The following ITSN1 variants were observed in gnomAD, a reference collection of about 807,000 sequenced individuals.
The protein encoded by ITSN1 is intersectin 1.
A neutral mutation model predicts 239.8 loss-of-function variants in ITSN1; 58 were observed. That is an observed-to-expected ratio of 0.24 (90% CI 0.20 to 0.30). The LOEUF (loss-of-function observed/expected upper bound fraction) is 0.30. ITSN1 is among the 10% of genes least tolerant of loss of function. ITSN1 has a pLI of 1.00. For missense variants in ITSN1, 1,558 were observed against 2,103.3 expected, an observed-to-expected ratio of 0.74 and a Z score of 5.07; for synonymous variants, 780 against 770.8, an observed-to-expected ratio of 1.01 and a Z score of -0.20.
chr21:33,840,752 C>T (rs1238539380), intron 29 of ITSN1, among the ~76,000 whole-genome samples: 1 of 152,254 alleles, frequency 6.6e-6, no homozygotes, highest in African/African-American at 2.4e-5. Flanking sequence ...CCCACCTCGG[C>T]CTCCCAAAGT....
chr21:33,684,608 CAG>C (rs1293668722), intron 1 of ITSN1, among the ~76,000 whole-genome samples: 1 of 151,958 alleles, frequency 6.6e-6, no homozygotes, highest in East Asian at 1.9e-4. Flanking sequence ...TTAATTATCT[CAG>C]AAAGAGGGTC....
chr21:33,825,016 G>A (rs2073903391), intron 25 of ITSN1, among the ~76,000 whole-genome samples: 1 of 152,188 alleles, frequency 6.6e-6, no homozygotes, highest in African/African-American at 2.4e-5. Context: ...ATATTTCAGG[G>A]GAATTGGGTA....
Position 33,889,866 on chromosome 21 carries a change from T to A in ITSN1, c.*1566T>A, listed in dbSNP as rs77878828. 1 of 152,198 alleles carries A rather than the reference T, an allele frequency of 6.6e-6. No homozygotes were observed. The highest frequency in any genetic ancestry group is 6.5e-5 in the Admixed American group (1 of 15,280). The allele number at this position is 152,198 out of a possible 1,614,324, so 9.4% of individuals were successfully genotyped here. A position where few individuals can be genotyped will look rare whatever the true frequency, so the allele number is the denominator to read the frequency against. On this transcript the variant is annotated 3_prime_UTR_variant, in exon 40 of 40. Transcript: ENST00000381318. The stretch of plus-strand genomic sequence containing the variant: ...GAGAGCCCGGTCATACTTCAAGCAA[T>A]TTTTTTAAAAGTGTGTGTTGGAAAG...
chr21:33,708,751 A>T (rs1379903202), intron 1 of ITSN1, among the ~76,000 whole-genome samples: 1 of 152,192 alleles, frequency 6.6e-6, no homozygotes, highest in African/African-American at 2.4e-5. Flanking sequence ...AAGTTCAGGA[A>T]GATATTCTCC....
intron 29 of ITSN1, among the ~76,000 whole-genome samples, chr21:33,843,852 T>G (rs575927652): frequency 3.7e-4 from 57 of 152,344 alleles, no homozygotes; most frequent in Middle Eastern, 3.4e-3. Context: ...TATGGAGAGA[T>G]AATGATGACA....
In ITSN1 at chr21:33,767,749, C is replaced by T. The variant is rs79522704; in HGVS notation, c.963C>T (p.Ser321=). 356 of 1,612,642 alleles carry T rather than the reference C, an allele frequency of 2.2e-4. 2 individuals are homozygous for T. In the East Asian group the frequency reaches 7.3e-3, roughly 33 times the overall value. The change falls in exon 11 of 40, where the codon AGC becomes AGT. Residue 321 remains serine, a synonymous_variant. Coordinates refer to ENST00000381318, the MANE Select transcript of ITSN1 (RefSeq NM_003024.3). The part of the protein sequence containing the change: ...VRSGSGISVI[S]STSVDQRLPE... ...CTGGCAGTGGTATATCTGTCATAAG[C>T]TCAACATCTGTAGATCAGAGGCTAC...
intron 14 of ITSN1, among the ~76,000 whole-genome samples, chr21:33,776,053 GTT>G (rs912757013): frequency 3.3e-5 from 5 of 152,066 alleles, no homozygotes; most frequent in African/African-American, 1.2e-4. Context: ...TGACTCTTTT[GTT>G]TCTTTTCATC....
chr21:33,650,189 TC>T (rs541317410), intron 1 of ITSN1, among the ~76,000 whole-genome samples: 138 of 152,296 alleles, frequency 9.1e-4, no homozygotes, highest in Middle Eastern at 3.4e-3. Flanking sequence ...TTTGATGTGT[TC>T]CTCCTTGCAT....
At chr21:33,867,992 A>T (rs1602651636) in intron 33 of ITSN1, among the ~76,000 whole-genome samples, 2 of 152,272 alleles carry the variant, frequency 1.3e-5, no homozygotes, top group East Asian at 3.9e-4. Flanking sequence ...AGCAGTGTGG[A>T]CCCAAAGAGT....
At chr21:33,877,825 TTGTGTGTGTGTGTGTGTGTGTG>T (rs3835379) in intron 34 of ITSN1, among the ~76,000 whole-genome samples, 2 of 147,204 alleles carry the variant, frequency 1.4e-5, no homozygotes, top group African/African-American at 5.0e-5. Context: ...TGTTTCTATT[TTGTGTGTGTGTGTGTGTGTGTG>T]TGTGTGTGTG....
chr21:33,860,561 G>A (rs1178910836), intron 31 of ITSN1, among the ~76,000 whole-genome samples: 2 of 152,156 alleles, frequency 1.3e-5, no homozygotes, highest in Non-Finnish European at 2.9e-5. Flanking sequence ...AGCTGTGTGG[G>A]GGGCCAGGCC....
rs180678509 is a variant in ITSN1, at chr21:33,685,183, C to G, written c.-32-33614C>G. Among the ~76,000 whole-genome samples the G allele has an allele frequency of 1.3e-3, 196 of 152,268 alleles. 1 individual carries two copies. The highest frequency in any genetic ancestry group is 4.4e-3 in the African/African-American group (183 of 41,554). On this transcript the variant is annotated intron_variant, in intron 1 of 39. Transcript: ENST00000381318. Reference sequence around the variant, plus strand: ...TGGCACAGGTGCTAAGGTCTGAATACAACTTTAAGGAGACAGTGTCTGCAT... The same window carrying G: ...TGGCACAGGTGCTAAGGTCTGAATAGAACTTTAAGGAGACAGTGTCTGCAT...
Position 33,797,327 on chromosome 21 carries a change from A to T in ITSN1, c.1953-52A>T. On this transcript the variant is annotated intron_variant, in intron 17 of 39. Coordinates refer to ENST00000381318, the MANE Select transcript of ITSN1 (RefSeq NM_003024.3). This position sits in a 1 kb window ranked among gnomAD's most constrained non-coding sequence, Gnocchi z 4.9. ...TTTTTTTGTGAAAAGAGGCAACAGT[A>T]GTGTTAACTTAGAGTTGCTTTCTTG... The T allele has an allele frequency of 6.8e-7, 1 of 1,474,360 alleles. No homozygotes were observed. Among genetic ancestry groups the T allele is most frequent in the South Asian group, 1.1e-5 (1 of 87,580 alleles). 91.3% of individuals were successfully genotyped at this position (1,474,360 alleles called of 1,614,324 possible). A position where few individuals can be genotyped will look rare whatever the true frequency, so the allele number is the denominator to read the frequency against.
chr21:33,659,859 A>G (rs1265067963), intron 1 of ITSN1, among the ~76,000 whole-genome samples: 1 of 151,504 alleles, frequency 6.6e-6, no homozygotes, highest in East Asian at 1.9e-4. Flanking sequence ...GGCTAGGACC[A>G]CAGTTGTACA....
intron 16 of ITSN1, among the ~76,000 whole-genome samples, chr21:33,787,504 G>A (rs1309766058): frequency 6.6e-6 from 1 of 152,162 alleles, no homozygotes; most frequent in African/African-American, 2.4e-5. Flanking sequence ...AATCGATGTT[G>A]AAATGAGAAG....
At chr21:33,688,227 G>A (rs1209927696) in intron 1 of ITSN1, among the ~76,000 whole-genome samples, 2 of 152,082 alleles carry the variant, frequency 1.3e-5, no homozygotes, top group Non-Finnish European at 2.9e-5. Context: ...GGAAACTAAG[G>A]GCTCATTTCT....
intron 16 of ITSN1, among the ~76,000 whole-genome samples, chr21:33,789,105 G>A (rs956094377): frequency 6.6e-6 from 1 of 152,086 alleles, no homozygotes; most frequent in Non-Finnish European, 1.5e-5. Context: ...TTGTTAACTG[G>A]CCTTCTTTAA....
intron 1 of ITSN1, among the ~76,000 whole-genome samples, chr21:33,677,085 A>G (rs1053356183): frequency 3.9e-5 from 6 of 152,118 alleles, no homozygotes; most frequent in Admixed American, 6.5e-5. Flanking sequence ...CAGCACACCA[A>G]CATGGCACAT....
chr21:33,860,159 T>C (rs962577098), intron 31 of ITSN1, among the ~76,000 whole-genome samples: 1 of 151,830 alleles, frequency 6.6e-6, no homozygotes, highest in Admixed American at 6.6e-5. Context: ...ATACAAAAAG[T>C]AGCCGGGTGT....
Sources: allele counts gnomAD v4.1 joint callset (sites outside exome capture counted in the v4.1 genomes callset), GRCh38; gene constraint gnomAD v4.1.1; non-coding constraint Gnocchi (gnomAD v3.1); transcripts MANE v1.5; gene names NCBI Gene and HGNC (gene_info 2026-07-23, HGNC 2026-07-21).